CRAT: variants seen among roughly 807,000 people sequenced by gnomAD.
The protein encoded by CRAT is carnitine O-acetyltransferase, also known as carnitine acetylase.
Under a neutral mutation model 73.7 loss-of-function variants are expected in CRAT, and 66 were observed. The ratio of observed to expected loss-of-function variants is 0.90; its 90% CI spans 0.73 to 1.10. The LOEUF (loss-of-function observed/expected upper bound fraction) is 1.10. CRAT is among the 50% of genes least tolerant of loss of function. CRAT has a pLI of 0.00. For synonymous variants in CRAT, 321 were observed against 343.2 expected (o/e 0.94, Z 0.71); for missense variants, 745 against 846.9 (o/e 0.88, Z 1.49).
intron 8 of CRAT, 88 bp from the exon 9 acceptor site, chr9:129,098,738 G>A: frequency 6.8e-7 from 1 of 1,478,954 alleles, no homozygotes; most frequent in Non-Finnish European, 9.0e-7. Context: ...ATGGGTACCT[G>A]AAGCTGGAGG....
rs771615619 is a variant in CRAT, at chr9:129,099,913, C to T, written c.1038G>A (p.Ala346=). Residue 346 remains alanine (A), a synonymous_variant, in exon 8 of 14, where the codon GCG becomes GCA. Transcript: ENST00000318080. ...SCGLVYEHAA[A]EGPPIVTLLD... is the part of the protein sequence containing the mutation. ...GAAGGGTGACAATAGGGGGCCCCTC[C>T]GCTGCAGCATGCTCGTACACAAGCC... 18 of 1,613,606 alleles carry T rather than the reference C, an allele frequency of 1.1e-5. No individual in the cohort carries two copies. Among genetic ancestry groups the T allele is most frequent in the South Asian group, 4.4e-5 (4 of 91,070 alleles).
At chr9:129,095,650 C>A (rs1365099733) in intron 13 of CRAT, 38 bp from the exon 14 acceptor site, 2 of 1,585,308 alleles carry the variant, frequency 1.3e-6, no homozygotes, top group Non-Finnish European at 1.7e-6. Context: ...GCTCCCCTAC[C>A]TTGACGCCCC....
intron 2 of CRAT, among the ~76,000 whole-genome samples, chr9:129,104,931 C>T (rs1182636547): frequency 4.1e-5 from 5 of 121,924 alleles, no homozygotes; most frequent in Non-Finnish European, 4.9e-5. Flanking sequence ...GACGGAGTCT[C>T]GCTCTGTCCC....
chr9:129,096,718 C>T (rs1024783459), intron 12 of CRAT, among the ~76,000 whole-genome samples: 12 of 152,238 alleles, frequency 7.9e-5, no homozygotes, highest in African/African-American at 2.7e-4. Context: ...CAGGCCAGCC[C>T]TGGAACCTGG....
intron 13 of CRAT, among the ~76,000 whole-genome samples, 176 bp from the exon 14 acceptor site, chr9:129,095,788 C>T (rs1336456333): frequency 1.3e-5 from 2 of 152,246 alleles, no homozygotes; most frequent in South Asian, 2.1e-4. Context: ...TTCCTTTATA[C>T]CTGACCAGTG....
Position 129,107,478 on chromosome 9 carries a change from T to TC in CRAT, c.291+335dup. Reference sequence around the variant, plus strand: ...GCGATCGGTCACTGAGTGACACATATCCCCTGCCTGAGGCTGTCCCACCAA... The same window carrying TC: ...GCGATCGGTCACTGAGTGACACATATCCCCCTGCCTGAGGCTGTCCCACCAA... On this transcript the variant is annotated intron_variant, in intron 2 of 13. Coordinates refer to ENST00000318080, the MANE Select transcript of CRAT (RefSeq NM_000755.5). This position sits in a 1 kb window ranked among gnomAD's most constrained non-coding sequence, Gnocchi z 5.0. 1 of 615,928 alleles carries TC rather than the reference T, an allele frequency of 1.6e-6. No homozygotes were observed. The highest frequency in any genetic ancestry group is 2.9e-6 in the Non-Finnish European group (1 of 340,356). The allele number at this position is 615,928 out of a possible 1,614,324, so 38.2% of individuals were successfully genotyped here.
intron 8 of CRAT, 47 bp from the exon 9 acceptor site, chr9:129,098,697 C>G: frequency 6.4e-7 from 1 of 1,569,030 alleles, no homozygotes; most frequent in Non-Finnish European, 8.6e-7. Context: ...CCTCTAGAGC[C>G]TGGGTCCATT....
Position 129,103,619 on chromosome 9 carries a change from T to C in CRAT, c.411-553A>G, listed in dbSNP as rs2131472291. Among the ~76,000 whole-genome samples, 1 of 152,256 alleles carries C rather than the reference T, an allele frequency of 6.6e-6. No homozygotes were observed. The highest frequency in any genetic ancestry group is 2.4e-5 in the African/African-American group (1 of 41,560). ...CTCAATGCTTGGGGCCGCCCCTGGA[T>C]CCCACCATGGGGACCAGTGGCTGGA... is the stretch of plus-strand genomic sequence containing the variant. On this transcript the variant is annotated intron_variant, in intron 3 of 13. Transcript: ENST00000318080. The surrounding 1 kb of genome is among the most constrained non-coding windows in gnomAD (Gnocchi z 4.6).
At chr9:129,109,057 G>A in intron 1 of CRAT, 1 of 1,253,644 alleles carries the variant, frequency 8.0e-7, no homozygotes, top group Non-Finnish European at 1.0e-6. Flanking sequence ...GAGGAATGGG[G>A]AGCAGGTGAG....
In CRAT at chr9:129,106,088, C is replaced by G. The variant is rs1290706717; in HGVS notation, c.291+1726G>C. ...CAGCAGGATGCGCCTCTTCATCACA[C>G]GCACTCCCCTGCAGCACTGGGCCAC... is the stretch of plus-strand genomic sequence containing the variant. On this transcript the variant is annotated intron_variant, in intron 2 of 13. Coordinates refer to ENST00000318080, the MANE Select transcript of CRAT (RefSeq NM_000755.5). The surrounding 1 kb of genome is among the most constrained non-coding windows in gnomAD (Gnocchi z 4.0). Among the ~76,000 whole-genome samples the G allele has an allele frequency of 6.6e-6, 1 of 152,156 alleles. No homozygotes were observed. The highest frequency in any genetic ancestry group is 2.4e-5 in the African/African-American group (1 of 41,422).
chr9:129,095,296 G>T lies in CRAT; in HGVS notation c.*101C>A. The T allele has an allele frequency of 7.8e-7, 1 of 1,285,406 alleles. No homozygotes were observed. Among genetic ancestry groups the T allele is most frequent in the Non-Finnish European group, 1.1e-6 (1 of 916,292 alleles). 79.6% of individuals were successfully genotyped at this position (1,285,406 alleles called of 1,614,324 possible). On this transcript the variant is annotated 3_prime_UTR_variant, in exon 14 of 14. Transcript: ENST00000318080. The stretch of plus-strand genomic sequence containing the variant: ...CAGTAGATTTGGGGGGACCAGGGAA[G>T]AGGGAACCAAGGAAGAGGGAACCAA...
At position 129,110,763 on chromosome 9, in the gene CRAT, G is replaced by C. The variant is rs1848393636; in HGVS notation, c.-254C>G. The C allele has an allele frequency of 1.8e-6, 1 of 569,958 alleles. No homozygotes were observed. Among genetic ancestry groups the C allele is most frequent in the East Asian group, 3.6e-5 (1 of 27,502 alleles). The allele number at this position is 569,958 out of a possible 1,614,324, so 35.3% of individuals were successfully genotyped here. On this transcript the variant is annotated 5_prime_UTR_variant, in exon 1 of 14. Coordinates refer to ENST00000318080, the MANE Select transcript of CRAT (RefSeq NM_000755.5). The surrounding 1 kb of genome is among the most constrained non-coding windows in gnomAD (Gnocchi z 5.3). ...GGTAGCGGGCCCCGGGCGGGCAACG[G>C]TGCCCGGGAGGTTGGCTGTGGGGCG... is the stretch of plus-strand genomic sequence containing the variant.
intron 10 of CRAT, 48 bp from the exon 11 acceptor site, chr9:129,098,196 T>C (rs754982271): frequency 6.2e-7 from 1 of 1,612,186 alleles, no homozygotes; most frequent in Non-Finnish European, 8.5e-7. Context: ...GGGCACCCCC[T>C]CCCCTGCCCC....
rs752139814 is a variant in CRAT, at chr9:129,095,595, G to C, written c.1683C>G (p.Asp561Glu). The C allele has an allele frequency of 4.3e-6, 7 of 1,613,020 alleles. No individual in the cohort carries two copies. Among genetic ancestry groups the C allele is most frequent in the Non-Finnish European group, 5.9e-6 (7 of 1,179,946 alleles). ...LSTSQVPAKTDCVMFFGPVVP... is the reference protein window; with the variant it reads ...LSTSQVPAKTECVMFFGPVVP... ...CCACGGGCCCGAAGAACATGACACA[G>C]TCTGTCTTGGCAGGGACCTGGGGAC... Residue 561 changes from aspartate (D) to glutamate (E), a missense_variant, in exon 14 of 14, where the codon GAC becomes GAG. Coordinates refer to ENST00000318080, the MANE Select transcript of CRAT (RefSeq NM_000755.5).
Position 129,101,997 on chromosome 9 carries a change from C to T in CRAT, c.691G>A (p.Val231Met). Residue 231 changes from valine (V) to methionine (M), a missense_variant, in exon 6 of 14, where the codon GTG becomes ATG. By Grantham distance (21) the Val-to-Met change is conservative. Coordinates refer to ENST00000318080, the MANE Select transcript of CRAT (RefSeq NM_000755.5). ...GTPLTADQIF[V>M]QLEKIWNSSL... ...GAGTTCCAGATCTTCTCCAGCTGCA[C>T]AAAGATCTGATCCGCAGTGAGGGGT... 1.2e-6 allele frequency: 2 copies of T among 1,614,204 alleles called. No individual in the cohort carries two copies. The highest frequency in any genetic ancestry group is 8.5e-7 in the Non-Finnish European group (1 of 1,180,024).
chr9:129,106,699 T>G lies in CRAT; in HGVS notation c.291+1115A>C, dbSNP rs1848036276. Reference sequence around the variant, plus strand: ...AAATGTTGACAACTCCCACCTCCTGTGTGCAGCCCCACAGCCTCCGCCAAG... The same window carrying G: ...AAATGTTGACAACTCCCACCTCCTGGGTGCAGCCCCACAGCCTCCGCCAAG... On this transcript the variant is annotated intron_variant, in intron 2 of 13. Coordinates refer to ENST00000318080, the MANE Select transcript of CRAT (RefSeq NM_000755.5). This position sits in a 1 kb window ranked among gnomAD's most constrained non-coding sequence, Gnocchi z 4.0. Among the ~76,000 whole-genome samples the G allele has an allele frequency of 6.6e-6, 1 of 152,144 alleles. No homozygotes were observed. The highest frequency in any genetic ancestry group is 1.5e-5 in the Non-Finnish European group (1 of 68,022).
rs892979996 is a variant in CRAT, at chr9:129,107,390, A to G, written c.291+424T>C. The stretch of plus-strand genomic sequence containing the variant: ...ATGCAAATAGAAAAGCACACCAAAC[A>G]TTGGTGTAGACATATTTGCCAAACT... On this transcript the variant is annotated intron_variant, in intron 2 of 13. Transcript: ENST00000318080. This position sits in a 1 kb window ranked among gnomAD's most constrained non-coding sequence, Gnocchi z 5.0. 12 of 559,166 alleles carry G rather than the reference A, an allele frequency of 2.1e-5. No homozygotes were observed. Among genetic ancestry groups the G allele is most frequent in the African/African-American group, 1.9e-4 (10 of 53,382 alleles). 34.6% of individuals were successfully genotyped at this position (559,166 alleles called of 1,614,324 possible).
rs2131492148 is a variant in CRAT at position 129,107,257 on chromosome 9, C to T, written c.291+557G>A. On this transcript the variant is annotated intron_variant, in intron 2 of 13. Coordinates refer to ENST00000318080, the MANE Select transcript of CRAT (RefSeq NM_000755.5). This position sits in a 1 kb window ranked among gnomAD's most constrained non-coding sequence, Gnocchi z 5.0. ...TCATGTTGGCCAGGCTGGTCCCGAA[C>T]TCCTGACCTTGTGATCTGCCCGCCT... is the stretch of plus-strand genomic sequence containing the variant. 1 of 233,510 alleles carries T rather than the reference C, an allele frequency of 4.3e-6. No individual in the cohort carries two copies. The highest frequency in any genetic ancestry group is 7.3e-5 in the South Asian group (1 of 13,614). 14.5% of individuals were successfully genotyped at this position (233,510 alleles called of 1,614,324 possible).
intron 8 of CRAT, 142 bp from the exon 9 acceptor site, chr9:129,098,792 C>A: frequency 7.1e-6 from 6 of 845,680 alleles, no homozygotes; most frequent in Non-Finnish European, 1.0e-5. Flanking sequence ...AAACCACCCT[C>A]ACTTCAGCTT....
Sources: allele counts gnomAD v4.1 joint callset (sites outside exome capture counted in the v4.1 genomes callset), GRCh38; gene constraint gnomAD v4.1.1; non-coding constraint Gnocchi (gnomAD v3.1); transcripts MANE v1.5; gene names NCBI Gene and HGNC (gene_info 2026-07-23, HGNC 2026-07-21).